The following FBXW10 variants were observed in gnomAD, a reference collection of about 807,000 sequenced individuals.
FBXW10 encodes F-box and WD repeat domain containing 10.
A neutral mutation model predicts 113.1 loss-of-function variants in FBXW10; 68 were observed. That is an observed-to-expected ratio of 0.60 (90% CI 0.49 to 0.74). The LOEUF (loss-of-function observed/expected upper bound fraction) is 0.74, where lower values mean the gene tolerates loss of function less well. FBXW10 is among the 30% of genes least tolerant of loss of function. The probability of loss-of-function intolerance (pLI) is 0.00; values close to 1 mark genes in which losing one functional copy is unlikely to be tolerated. For synonymous variants in FBXW10, 289 were observed against 481.6 expected (o/e 0.60, Z 5.24); for missense variants, 753 against 1,284.5 (o/e 0.59, Z 6.32).
intron 12 of FBXW10, among the ~76,000 whole-genome samples, chr17:18,772,928 C>CTTTTTT: frequency 7.4e-6 from 1 of 135,646 alleles, no homozygotes; most frequent in Non-Finnish European, 1.6e-5. Flanking sequence ...TTCTTTCTTT[C>CTTTTTT]TTTTTTTTTT....
intron 13 of FBXW10, among the ~76,000 whole-genome samples, chr17:18,777,733 C>A (rs527545898): frequency 1.3e-5 from 2 of 151,150 alleles, no homozygotes; most frequent in African/African-American, 4.9e-5. Flanking sequence ...TTAGTAGAGA[C>A]GGGGTTTCAC....
intron 9 of FBXW10, 75 bp from the exon 10 acceptor site, chr17:18,768,459 A>G: frequency 6.3e-7 from 1 of 1,581,408 alleles, no homozygotes; most frequent in Non-Finnish European, 8.6e-7. Context: ...TTTGGGATTC[A>G]TCTGAAGAAG....
chr17:18,744,484 A>G lies in FBXW10; in HGVS notation c.240A>G (p.Thr80=), dbSNP rs1397007331. The change falls in exon 1 of 14, where the codon ACA becomes ACG. Residue 80 remains threonine (T), a synonymous_variant. Coordinates refer to ENST00000395665, the MANE Select transcript of FBXW10 (RefSeq NM_001267585.2). The part of the protein sequence containing the change: ...LHYFQNILQT[T]QGKDFIYNRS... Reference sequence around the variant, plus strand: ...ATTTCCAAAATATCCTTCAGACCACACAGGGAAAGGATTTCATCTATAACA... The same window carrying G: ...ATTTCCAAAATATCCTTCAGACCACGCAGGGAAAGGATTTCATCTATAACA... The G allele has an allele frequency of 3.1e-6, 5 of 1,613,914 alleles. No homozygotes were observed. The South Asian group carries it at 5.5e-5, about 18-fold the overall frequency.
At chr17:18,756,202 C>T in intron 6 of FBXW10, 48 bp downstream of exon 6, 2 of 1,564,082 alleles carry the variant, frequency 1.3e-6, no homozygotes, top group South Asian at 1.1e-5. Flanking sequence ...CTTGAGTTAC[C>T]CACACTGACA....
chr17:18,774,275 G>C (rs932324214), intron 12 of FBXW10, among the ~76,000 whole-genome samples: 2 of 152,248 alleles, frequency 1.3e-5, no homozygotes, highest in African/African-American at 4.8e-5. Context: ...TCACGCACCA[G>C]AGCAGGAAAA....
chr17:18,763,856 C>T (rs1390342422), intron 7 of FBXW10, among the ~76,000 whole-genome samples: 1 of 149,528 alleles, frequency 6.7e-6, no homozygotes, highest in Non-Finnish European at 1.5e-5. Flanking sequence ...TCATTCAGGA[C>T]GCTTCTATCT....
chr17:18,769,524 C>A (rs2035567041), intron 10 of FBXW10: 1 of 166,526 alleles, frequency 6.0e-6, no homozygotes, highest in South Asian at 1.6e-4. Flanking sequence ...CGCCTGTAAT[C>A]CCAGCACTTT....
intron 7 of FBXW10, among the ~76,000 whole-genome samples, chr17:18,761,669 T>C (rs1204092853): frequency 3.9e-5 from 6 of 152,244 alleles, no homozygotes; most frequent in East Asian, 1.9e-4. Flanking sequence ...TTGGGTTGCA[T>C]TGAATTTATA....
At chr17:18,775,931 G>A (rs2035689748) in intron 13 of FBXW10, among the ~76,000 whole-genome samples, 1 of 152,034 alleles carries the variant, frequency 6.6e-6, no homozygotes, top group Non-Finnish European at 1.5e-5. Context: ...AAGCTGAGGC[G>A]GGAGGATCCT....
intron 7 of FBXW10, among the ~76,000 whole-genome samples, chr17:18,758,865 G>A (rs2151806375): frequency 6.6e-6 from 1 of 151,354 alleles, no homozygotes; most frequent in East Asian, 1.9e-4. Flanking sequence ...AGGCAAAATA[G>A]TGCTTTAAAA....
At chr17:18,775,245 G>A in intron 13 of FBXW10, 53 bp downstream of exon 13, 1 of 1,237,832 alleles carries the variant, frequency 8.1e-7, no homozygotes, top group Non-Finnish European at 1.2e-6. Flanking sequence ...CGGATGGTGG[G>A]CAGGAGAATT....
At chr17:18,755,194 C>T (rs1330308820) in intron 5 of FBXW10, among the ~76,000 whole-genome samples, 1 of 151,580 alleles carries the variant, frequency 6.6e-6, no homozygotes, top group Non-Finnish European at 1.5e-5. Context: ...ACTCGGGAGG[C>T]GGAGGTTGCA....
At chr17:18,760,621 T>C (rs922243644) in intron 7 of FBXW10, among the ~76,000 whole-genome samples, 1 of 152,172 alleles carries the variant, frequency 6.6e-6, no homozygotes, top group Non-Finnish European at 1.5e-5. Context: ...CTGACTAACA[T>C]GGAGAAACCC....
intron 10 of FBXW10, 88 bp downstream of exon 10, chr17:18,768,764 G>C: frequency 1.5e-6 from 2 of 1,367,814 alleles, no homozygotes; most frequent in African/African-American, 1.4e-5. Context: ...CAGACCTTCT[G>C]CTCCCTGTAG....
chr17:18,764,275 C>T (rs529527529), intron 7 of FBXW10, among the ~76,000 whole-genome samples: 3 of 148,852 alleles, frequency 2.0e-5, no homozygotes, highest in East Asian at 2.0e-4. Flanking sequence ...AATCTCAGCT[C>T]GCTGCAACCT....
chr17:18,760,259 T>C (rs975037876), intron 7 of FBXW10, among the ~76,000 whole-genome samples: 1 of 152,206 alleles, frequency 6.6e-6, no homozygotes, highest in Non-Finnish European at 1.5e-5. Flanking sequence ...ATATGTGTAT[T>C]AGTCAGGGTC....
intron 2 of FBXW10, among the ~76,000 whole-genome samples, chr17:18,749,440 A>G (rs1433738168): frequency 3.9e-5 from 6 of 151,922 alleles, no homozygotes; most frequent in East Asian, 1.9e-4. Flanking sequence ...CCAGCTACTC[A>G]GGAGGCTGAG....
At chr17:18,776,065 TC>T in intron 13 of FBXW10, among the ~76,000 whole-genome samples, 1 of 151,066 alleles carries the variant, frequency 6.6e-6, no homozygotes, top group Admixed American at 6.6e-5. Flanking sequence ...ACACCTGTAA[TC>T]CCAGTAGTTT....
intron 1 of FBXW10, among the ~76,000 whole-genome samples, chr17:18,745,931 A>G (rs1487407661): frequency 1.3e-5 from 2 of 152,220 alleles, no homozygotes; most frequent in East Asian, 3.9e-4. Flanking sequence ...TTCTAAGGAA[A>G]AGAGTTTTAT....
Sources: allele counts gnomAD v4.1 joint callset (sites outside exome capture counted in the v4.1 genomes callset), GRCh38; gene constraint gnomAD v4.1.1; transcripts MANE v1.5; gene names NCBI Gene and HGNC (gene_info 2026-07-23, HGNC 2026-07-21).